The following DRAP1 variants were observed in gnomAD, a reference collection of about 807,000 sequenced individuals.
DRAP1 encodes the protein DR1 associated protein 1.
A neutral mutation model predicts 24.1 loss-of-function variants in DRAP1; 10 were observed. That is an observed-to-expected ratio of 0.41 (90% CI 0.26 to 0.70). The LOEUF (loss-of-function observed/expected upper bound fraction) is 0.70, where lower values mean the gene tolerates loss of function less well. Among genes scored for constraint, DRAP1 ranks in the 30% least tolerant of loss-of-function variants. DRAP1 has a pLI of 0.29. For synonymous variants in DRAP1, 122 were observed against 113.8 expected, an observed-to-expected ratio of 1.07 and a Z score of -0.46; for missense variants, 264 against 275.6, an observed-to-expected ratio of 0.96 and a Z score of 0.30.
Position 65,919,490 on chromosome 11 carries a change from A to G in DRAP1, c.-12A>G, listed in dbSNP as rs1305223838. The G allele has an allele frequency of 7.2e-6, 11 of 1,535,794 alleles. No individual in the cohort carries two copies. In the African/African-American group the frequency reaches 1.3e-4, roughly 18 times the overall value. On this transcript the variant is annotated 5_prime_UTR_variant, in exon 1 of 7. Transcript: ENST00000312515. The stretch of plus-strand genomic sequence containing the variant: ...GCGGCGCTGGACCCGACGCGGCGAG[A>G]GAGGCCCCGAGATGCCGAGCAAGAA...
chr11:65,920,592 G>A lies in DRAP1; in HGVS notation c.353G>A (p.Gly118Asp), dbSNP rs867126309. Residue 118 changes from glycine to aspartate, a missense_variant, in exon 5 of 7, where the codon GGC becomes GAC. Around this residue, in one of 2 missense-constraint regions of DRAP1, gnomAD observed 243 missense variants for 233.6 expected, o/e 1.04. Coordinates refer to ENST00000312515, the MANE Select transcript of DRAP1 (RefSeq NM_006442.4). ...AGGGGCCGGAAGCCAGGCAGCGGCGGCCGGAAGAACGGTGGGATGGGAACG... is the reference window on the plus strand; with the variant it reads ...AGGGGCCGGAAGCCAGGCAGCGGCGACCGGAAGAACGGTGGGATGGGAACG... ...ARRGRKPGSG[G>D]RKNGGMGTKS... 2 of 1,581,156 alleles carry A rather than the reference G, an allele frequency of 1.3e-6. No homozygotes were observed. Among genetic ancestry groups the A allele is most frequent in the Admixed American group, 3.7e-5 (2 of 53,726 alleles).
chr11:65,919,551 C>G lies in DRAP1; in HGVS notation c.42+8C>G, dbSNP rs761156509. Reference sequence around the variant, plus strand: ...AACGCGCGGTTCCCGCCGGTGAGCACGTGGCAGAGCCCGGCAGGAGTGGGC... The same window carrying G: ...AACGCGCGGTTCCCGCCGGTGAGCAGGTGGCAGAGCCCGGCAGGAGTGGGC... On this transcript the variant is annotated splice_region_variant and intron_variant, in intron 1 of 6. Coordinates refer to ENST00000312515, the MANE Select transcript of DRAP1 (RefSeq NM_006442.4). The G allele has an allele frequency of 3.2e-6, 5 of 1,548,018 alleles. No individual in the cohort carries two copies. The South Asian group carries it at 6.0e-5, about 18-fold the overall frequency.
chr11:65,920,320 C>T (rs1219158000), intron 3 of DRAP1, 23 bp from the exon 4 acceptor site: 1 of 1,613,508 alleles, frequency 6.2e-7, no homozygotes, highest in Non-Finnish European at 8.5e-7. Flanking sequence ...TCTTGAGTGC[C>T]AGCCCCTCCT....
At chr11:65,920,516 G>T (rs757472968) in intron 4 of DRAP1, 53 bp from the exon 5 acceptor site, 2 of 1,611,768 alleles carry the variant, frequency 1.2e-6, no homozygotes, top group South Asian at 2.2e-5. Context: ...AGGGCTTGGG[G>T]GTGGCCAAGG....
chr11:65,921,247 G>T, intron 6 of DRAP1, 83 bp from the exon 7 acceptor site: 1 of 869,814 alleles, frequency 1.1e-6, no homozygotes, highest in East Asian at 2.5e-5. Context: ...GGGTCAGATG[G>T]GGGAGGGAGG....
rs370429317 is a variant in DRAP1, at chr11:65,920,629, C to G, written c.390C>G (p.Asp130Glu). The change falls in exon 5 of 7, where the codon GAC becomes GAG. Residue 130 changes from aspartate (D) to glutamate (E), a missense_variant. Asp to Glu is a conservative substitution (Grantham distance 45). Around this residue, in one of 2 missense-constraint regions of DRAP1, gnomAD observed 243 missense variants for 233.6 expected, o/e 1.04. Coordinates refer to ENST00000312515, the MANE Select transcript of DRAP1 (RefSeq NM_006442.4). ...GTGGGATGGGAACGAAAAGCAAGGA[C>G]AAGAAGCTGTCCGGGACAGACTCGG... Reference protein sequence around the residue: ...KNGGMGTKSKDKKLSGTDSEQ... With the variant: ...KNGGMGTKSKEKKLSGTDSEQ... 44 of 1,531,300 alleles carry G rather than the reference C, an allele frequency of 2.9e-5. No homozygotes were observed. The highest frequency in any genetic ancestry group is 3.8e-5 in the Non-Finnish European group (43 of 1,137,298). 94.9% of individuals were successfully genotyped at this position (1,531,300 alleles called of 1,614,324 possible).
At position 65,921,330 on chromosome 11, in the gene DRAP1, C is replaced by T. The variant is rs1303469823; in HGVS notation, c.513C>T (p.Ser171=). The T allele has an allele frequency of 1.9e-6, 3 of 1,582,722 alleles. No homozygotes were observed. Among genetic ancestry groups the T allele is most frequent in the Non-Finnish European group, 2.6e-6 (3 of 1,153,316 alleles). The change falls in exon 7 of 7, where the codon AGC becomes AGT. Residue 171 remains serine (S), a splice_region_variant and synonymous_variant. Transcript: ENST00000312515. ...CTCTCTCCTGCCTTCTGCCCTGCAG[C>T]CCCCCGACACCCTTCCTGCCCTTCG... ...QASHPSAHFQ[S]PPTPFLPFAS... is the part of the protein sequence containing the mutation.
rs765031995 is a variant in DRAP1, at chr11:65,920,058, C to T, written c.209+17C>T. The T allele has an allele frequency of 1.7e-5, 27 of 1,610,314 alleles. No homozygotes were observed. Among genetic ancestry groups the T allele is most frequent in the Admixed American group, 1.7e-5 (1 of 59,526 alleles). ...ATCCCACCTGTGAGCGGCGAGGAGC[C>T]GGGAGGGGCCGGCGGGTTTGGCGCG... On this transcript the variant is annotated intron_variant, in intron 3 of 6. Coordinates refer to ENST00000312515, the MANE Select transcript of DRAP1 (RefSeq NM_006442.4).
chr11:65,920,950 C>G lies in DRAP1; in HGVS notation c.490C>G (p.His164Asp), dbSNP rs1256669222. ...ETSQPPPQAS[H>D]PSAHFQSPPT... The stretch of plus-strand genomic sequence containing the variant: ...ATCACAACCCCCACCCCAGGCCAGC[C>G]ACCCCTCTGCCCACTTTCAGAGGTG... Residue 164 changes from histidine to aspartate, a missense_variant, in exon 6 of 7, where the codon CAC becomes GAC. Physicochemically the swap from His to Asp is moderately conservative, Grantham distance 81 (BLOSUM62 -1). Coordinates refer to ENST00000312515, the MANE Select transcript of DRAP1 (RefSeq NM_006442.4). The G allele has an allele frequency of 1.9e-6, 3 of 1,612,434 alleles. No homozygotes were observed. Among genetic ancestry groups the G allele is most frequent in the Non-Finnish European group, 2.5e-6 (3 of 1,179,154 alleles).
chr11:65,919,590 G>A (rs893942672), intron 1 of DRAP1, 47 bp downstream of exon 1: 1 of 1,547,636 alleles, frequency 6.5e-7, no homozygotes, highest in African/African-American at 1.4e-5. Context: ...GCTCCCGGGT[G>A]GCTTGGGCCC....
intron 6 of DRAP1, 150 bp downstream of exon 6, chr11:65,921,122 T>C (rs1018803632): frequency 1.3e-5 from 9 of 700,976 alleles, no homozygotes; most frequent in African/African-American, 7.2e-5. Context: ...GGCAGGAGAC[T>C]GTTCTCCCGA....
chr11:65,921,382 C>T lies in DRAP1; in HGVS notation c.565C>T (p.Pro189Ser). The T allele has an allele frequency of 2.5e-6, 4 of 1,610,146 alleles. No individual in the cohort carries two copies. The highest frequency in any genetic ancestry group is 2.5e-6 in the Non-Finnish European group (3 of 1,176,796). ...FASTLPLPPA[P>S]PGPSAPDEED... ...CTCTACTCTGCCTTTGCCCCCAGCG[C>T]CCCCGGGCCCCTCAGCACCTGATGA... is the stretch of plus-strand genomic sequence containing the variant. The change falls in exon 7 of 7, where the codon CCC (proline) becomes TCC (serine). Residue 189 changes from proline (P) to serine (S), a missense_variant. By Grantham distance (74) the Pro-to-Ser change is moderately conservative. This residue lies in a region of DRAP1 where 243 missense variants were observed against 233.6 expected (regional missense o/e 1.04). Coordinates refer to ENST00000312515, the MANE Select transcript of DRAP1 (RefSeq NM_006442.4).
rs1206254669 is a variant in DRAP1 at position 65,920,624 on chromosome 11, A to G, written c.385A>G (p.Lys129Glu). ...GAACGGTGGGATGGGAACGAAAAGC[A>G]AGGACAAGAAGCTGTCCGGGACAGA... ...RKNGGMGTKS[K>E]DKKLSGTDSE... is the part of the protein sequence containing the mutation. The change falls in exon 5 of 7, where the codon AAG (lysine) becomes GAG (glutamate). Residue 129 changes from lysine to glutamate, a missense_variant. By Grantham distance (56) the Lys-to-Glu change is moderately conservative. Transcript: ENST00000312515. 1 of 1,536,704 alleles carries G rather than the reference A, an allele frequency of 6.5e-7. No homozygotes were observed. Among genetic ancestry groups the G allele is most frequent in the Non-Finnish European group, 8.8e-7 (1 of 1,140,204 alleles).
At chr11:65,919,577 C>T (rs1246591546) in intron 1 of DRAP1, 34 bp downstream of exon 1, 2 of 1,547,988 alleles carry the variant, frequency 1.3e-6, no homozygotes. Flanking sequence ...AGGAGTGGGC[C>T]CGGCTCCCGG....
chr11:65,919,451 G>A lies in DRAP1; in HGVS notation c.-51G>A. 6.6e-7 allele frequency: 1 copy of A among 1,512,660 alleles called. No individual in the cohort carries two copies. The highest frequency in any genetic ancestry group is 8.8e-7 in the Non-Finnish European group (1 of 1,131,674). The allele number at this position is 1,512,660 out of a possible 1,614,324, so 93.7% of individuals were successfully genotyped here. On this transcript the variant is annotated 5_prime_UTR_variant, in exon 1 of 7. Transcript: ENST00000312515. ...GGGCGGCGAGCAGGCCCGGGAGCCG[G>A]GAGGCTGCGGGCGGCGGCGCTGGAC...
chr11:65,919,608 G>T, intron 1 of DRAP1, 65 bp downstream of exon 1: 1 of 1,543,948 alleles, frequency 6.5e-7, no homozygotes. Flanking sequence ...CCCAGTTCCC[G>T]CTGGGCAGGC....
At position 65,920,958 on chromosome 11, in the gene DRAP1, T is replaced by C. The variant is rs979966584; in HGVS notation, c.498T>C (p.Ser166=). 4 of 1,611,108 alleles carry C rather than the reference T, an allele frequency of 2.5e-6. No homozygotes were observed. Among genetic ancestry groups the C allele is most frequent in the Non-Finnish European group, 3.4e-6 (4 of 1,178,518 alleles). ...CCCCACCCCAGGCCAGCCACCCCTC[T>C]GCCCACTTTCAGAGGTGAGCAGCCC... is the stretch of plus-strand genomic sequence containing the variant. ...SQPPPQASHP[S]AHFQSPPTPF... Residue 166 remains serine, a synonymous_variant, in exon 6 of 7, where the codon TCT becomes TCC. Transcript: ENST00000312515.
chr11:65,921,495 G>A lies in DRAP1; in HGVS notation c.*60G>A. The A allele has an allele frequency of 1.3e-6, 1 of 772,814 alleles. No individual in the cohort carries two copies. Among genetic ancestry groups the A allele is most frequent in the Non-Finnish European group, 2.2e-6 (1 of 457,316 alleles). The allele number at this position is 772,814 out of a possible 1,614,324, so 47.9% of individuals were successfully genotyped here. Reference sequence around the variant, plus strand: ...TTGGTTTTAGTTGCTCTGGGGGGAGGAGAGAAGGTAGAGCTGTTCTTAAAT... The same window carrying A: ...TTGGTTTTAGTTGCTCTGGGGGGAGAAGAGAAGGTAGAGCTGTTCTTAAAT... On this transcript the variant is annotated 3_prime_UTR_variant, in exon 7 of 7. Coordinates refer to ENST00000312515, the MANE Select transcript of DRAP1 (RefSeq NM_006442.4).
chr11:65,921,294 C>T (rs771281249), intron 6 of DRAP1, 36 bp from the exon 7 acceptor site: 2 of 1,284,840 alleles, frequency 1.6e-6, no homozygotes, highest in Non-Finnish European at 1.1e-6. Flanking sequence ...CACGGTGGGG[C>T]TCAGGCCTGA....
Sources: gnomAD v4.1 joint callset for allele counts on GRCh38, gnomAD v4.1.1 for gene constraint, gnomAD v4.1.1 regional missense constraint, MANE v1.5 for transcripts, NCBI Gene and HGNC (gene_info 2026-07-23, HGNC 2026-07-21) for gene names.